EXD3: variants seen among roughly 807,000 people sequenced by gnomAD.
EXD3 encodes the protein exonuclease 3'-5' domain containing 3, also known as exonuclease mut-7 homolog.
Under a neutral mutation model 98.0 loss-of-function variants are expected in EXD3, and 92 were observed. That is an observed-to-expected ratio of 0.94 (90% CI 0.79 to 1.12). The LOEUF (loss-of-function observed/expected upper bound fraction) is 1.12, where lower values mean the gene tolerates loss of function less well. EXD3 is among the 50% of genes most tolerant of loss of function. The pLI, the probability that EXD3 is intolerant of heterozygous loss-of-function variation, is 0.00. For synonymous variants in EXD3, 569 were observed against 526.0 expected (o/e 1.08, Z -1.12); for missense variants, 1,222 against 1,191.6 (o/e 1.03, Z -0.38).
At chr9:137,368,548 C>T (rs1835392087) in intron 5 of EXD3, among the ~76,000 whole-genome samples, 1 of 152,222 alleles carries the variant, frequency 6.6e-6, no homozygotes, top group African/African-American at 2.4e-5. Context: ...GGGCCCTGAC[C>T]GCCTGCACGT....
intron 2 of EXD3, among the ~76,000 whole-genome samples, chr9:137,390,564 CG>C (rs1836852065): frequency 6.6e-6 from 1 of 152,136 alleles, no homozygotes; most frequent in Admixed American, 6.5e-5. Context: ...CCGGTATTGG[CG>C]TTAGAATCAT....
intron 1 of EXD3, among the ~76,000 whole-genome samples, chr9:137,411,490 C>G (rs1199855072): frequency 6.6e-6 from 1 of 151,756 alleles, no homozygotes; most frequent in Non-Finnish European, 1.5e-5. Flanking sequence ...GCCCCTCCCT[C>G]GAAGCTTCGC....
In EXD3 at chr9:137,395,516, C is replaced by T. The variant is rs1837171189; in HGVS notation, c.-47-112G>A. 4.2e-6 allele frequency: 4 copies of T among 956,752 alleles called. 1 individual carries two copies. The Admixed American group carries it at 9.9e-5, about 24-fold the overall frequency. 59.3% of individuals were successfully genotyped at this position (956,752 alleles called of 1,614,324 possible). ...GGAGGGAGCTGGTGCCTGGGGGGGC[C>T]CAAGTGGGACCCCCAGTCGCTGAGC... On this transcript the variant is annotated intron_variant, in intron 1 of 21. Transcript: ENST00000340951. The surrounding 1 kb of genome is among the most constrained non-coding windows in gnomAD (Gnocchi z 6.5).
chr9:137,355,267 C>A (rs921090860), intron 8 of EXD3, among the ~76,000 whole-genome samples: 6 of 152,202 alleles, frequency 3.9e-5, no homozygotes, highest in Non-Finnish European at 8.8e-5. Context: ...GCACCACAGT[C>A]TGGCTGAGCC....
Position 137,367,969 on chromosome 9 carries a change from C to T in EXD3, c.483G>A (p.Thr161=), listed in dbSNP as rs182414770. The T allele has an allele frequency of 1.8e-5, 29 of 1,611,718 alleles. No individual in the cohort carries two copies. Among genetic ancestry groups the T allele is most frequent in the African/African-American group, 1.2e-4 (9 of 75,064 alleles). The part of the protein sequence containing the change: ...RFREAATLGA[T]LKLQSELGVE... Reference sequence around the variant, plus strand: ...CGCCAAGCTCCGACTGCAGCTTCAACGTCGCGCCCAGCGTGGCTGCCTGGC... The same window carrying T: ...CGCCAAGCTCCGACTGCAGCTTCAATGTCGCGCCCAGCGTGGCTGCCTGGC... Residue 161 remains threonine, a synonymous_variant, in exon 6 of 22, where the codon ACG becomes ACA. Transcript: ENST00000340951.
rs1564482483 is a variant in EXD3, at chr9:137,330,624, A to ACACAGGACTACACAGGAGCTACACAGGAG, written c.1999-6482_1999-6481insCTCCTGTGTAGCTCCTGTGTAGTCCTGTG. 8.1e-4 allele frequency among the ~76,000 whole-genome samples: 90 copies of ACACAGGACTACACAGGAGCTACACAGGAG among 111,166 alleles called. 1 individual carries two copies. Among genetic ancestry groups the ACACAGGACTACACAGGAGCTACACAGGAG allele is most frequent in the Non-Finnish European group, 1.1e-3 (56 of 49,676 alleles). 72.9% of individuals were successfully genotyped at this position (111,166 alleles called of 152,430 possible). A position where few individuals can be genotyped will look rare whatever the true frequency, so the allele number is the denominator to read the frequency against. On this transcript the variant is annotated intron_variant, in intron 17 of 21. Coordinates refer to ENST00000340951, the MANE Select transcript of EXD3 (RefSeq NM_017820.5). Reference sequence around the variant, plus strand: ...CAGGACTACACAGGACTACACAGGAACTACACAGGACTACACAGGAGCTAC... The same window carrying ACACAGGACTACACAGGAGCTACACAGGAG: ...CAGGACTACACAGGACTACACAGGAACACAGGACTACACAGGAGCTACACAGGAGCTACACAGGACTACACAGGAGCTAC...
At chr9:137,332,021 G>A (rs1296218589) in intron 17 of EXD3, among the ~76,000 whole-genome samples, 1 of 152,076 alleles carries the variant, frequency 6.6e-6, no homozygotes, top group Non-Finnish European at 1.5e-5. Context: ...ACCTAGGAAT[G>A]TACTTAACCA....
intron 21 of EXD3, 45 bp downstream of exon 21, chr9:137,307,563 C>A (rs574536014): frequency 6.2e-7 from 1 of 1,603,144 alleles, no homozygotes; most frequent in Non-Finnish European, 8.5e-7. Context: ...GCACCAGGGC[C>A]GCAGAGAAGC....
At chr9:137,330,234 A>ACTACACAGGAG (rs1832955461) in intron 17 of EXD3, among the ~76,000 whole-genome samples, 1 of 138,822 alleles carries the variant, frequency 7.2e-6, no homozygotes, top group African/African-American at 2.8e-5. Flanking sequence ...ACTACACAGG[A>ACTACACAGGAG]CTACACAGGA....
intron 1 of EXD3, among the ~76,000 whole-genome samples, chr9:137,412,929 G>A (rs1216273697): frequency 1.3e-5 from 2 of 151,472 alleles, no homozygotes; most frequent in South Asian, 2.1e-4. Context: ...CGGAGTGCAC[G>A]CTACACCTGG....
intron 7 of EXD3, among the ~76,000 whole-genome samples, chr9:137,363,259 C>T (rs2119281889): frequency 6.8e-6 from 1 of 147,012 alleles, no homozygotes; most frequent in South Asian, 2.1e-4. Flanking sequence ...TGAGTTTAAG[C>T]TGAATAAAGT....
intron 1 of EXD3, among the ~76,000 whole-genome samples, chr9:137,409,536 G>C (rs1837895032): frequency 6.6e-6 from 1 of 152,154 alleles, no homozygotes; most frequent in Non-Finnish European, 1.5e-5. Context: ...GGGTAACATA[G>C]CGAGACTCTG....
At chr9:137,336,381 C>A (rs1368948513) in intron 17 of EXD3, among the ~76,000 whole-genome samples, 1 of 152,180 alleles carries the variant, frequency 6.6e-6, no homozygotes, top group African/African-American at 2.4e-5. Flanking sequence ...CATTTCTCGG[C>A]CATGTGTGGT....
Position 137,349,520 on chromosome 9 carries a change from C to T in EXD3, c.1506G>A (p.Ala502=), listed in dbSNP as rs745666409. ...LLLVHRQMRV[A]SVPAPAVDRA... is the part of the protein sequence containing the mutation. ...TGTCCACGGCTGGGGCTGGCACGCT[C>T]GCCACCCGCATCTGCTAAGACAGTG... The change falls in exon 15 of 22, where the codon GCG becomes GCA. Residue 502 remains alanine (A), a synonymous_variant. Coordinates refer to ENST00000340951, the MANE Select transcript of EXD3 (RefSeq NM_017820.5). This position sits in a 1 kb window ranked among gnomAD's most constrained non-coding sequence, Gnocchi z 7.4. 2.4e-5 allele frequency: 38 copies of T among 1,590,968 alleles called. No homozygotes were observed. In the Middle Eastern group the frequency reaches 6.3e-4, roughly 26 times the overall value.
intron 8 of EXD3, 123 bp downstream of exon 8, chr9:137,356,145 T>G (rs1834774051): frequency 1.4e-6 from 1 of 707,214 alleles, no homozygotes; most frequent in Non-Finnish European, 2.4e-6. Flanking sequence ...GGAGGGGCTC[T>G]CTGGGAAGGT....
chr9:137,344,466 C>T (rs967917261), intron 17 of EXD3, among the ~76,000 whole-genome samples: 2 of 152,142 alleles, frequency 1.3e-5, no homozygotes, highest in Non-Finnish European at 2.9e-5. Context: ...CGTGGAACTT[C>T]GCTGGCACGT....
At chr9:137,412,955 G>A (rs1838066247) in intron 1 of EXD3, among the ~76,000 whole-genome samples, 1 of 151,786 alleles carries the variant, frequency 6.6e-6, no homozygotes, top group Non-Finnish European at 1.5e-5. Flanking sequence ...TTTGGGAGGG[G>A]TATTTTTTGT....
intron 19 of EXD3, among the ~76,000 whole-genome samples, chr9:137,322,581 C>A (rs1253124633): frequency 5.4e-5 from 5 of 92,956 alleles, no homozygotes; most frequent in South Asian, 1.0e-3. Flanking sequence ...CGACACCTCA[C>A]CCCGGACCAC....
At chr9:137,326,932 A>C (rs1428031322) in intron 17 of EXD3, among the ~76,000 whole-genome samples, 4 of 152,040 alleles carry the variant, frequency 2.6e-5, no homozygotes, top group Admixed American at 2.6e-4. Flanking sequence ...AAAAAAAAAA[A>C]GGAAGGACGT....
Sources: gnomAD v4.1 joint callset for allele counts (sites outside exome capture counted in the v4.1 genomes callset) on GRCh38, gnomAD v4.1.1 for gene constraint, Gnocchi (gnomAD v3.1) non-coding constraint, MANE v1.5 for transcripts, NCBI Gene and HGNC (gene_info 2026-07-23, HGNC 2026-07-21) for gene names.